Variants in RAMP1 observed in about 807,000 individuals in gnomAD.
RAMP1 encodes the protein receptor activity modifying protein 1.
Under a neutral mutation model 8.2 loss-of-function variants are expected in RAMP1, and 7 were observed. The ratio of observed to expected loss-of-function variants is 0.85; its 90% CI spans 0.49 to 1.60. The LOEUF is 1.60. Among genes scored for constraint, RAMP1 ranks in the 40% most tolerant of loss-of-function variants. The probability of loss-of-function intolerance (pLI) is 0.00; values close to 1 mark genes in which losing one functional copy is unlikely to be tolerated. For synonymous variants in RAMP1, 92 were observed against 84.7 expected (o/e 1.09, Z -0.47); for missense variants, 192 against 202.4 (o/e 0.95, Z 0.31).
chr2:237,898,992 T>TAAGCC (rs1160077046), intron 2 of RAMP1, among the ~76,000 whole-genome samples: 2 of 152,054 alleles, frequency 1.3e-5, no homozygotes, highest in Non-Finnish European at 2.9e-5. Flanking sequence ...AAATGCGAAA[T>TAAGCC]AAGCCTGTTG....
intron 2 of RAMP1, among the ~76,000 whole-genome samples, chr2:237,904,395 GGCAACAGAGCA>G (rs2062634372): frequency 1.3e-5 from 2 of 151,890 alleles, no homozygotes; most frequent in African/African-American, 4.8e-5. Context: ...CTCCATCCTG[GGCAACAGAGCA>G]AGACTCTGTC....
At position 237,885,861 on chromosome 2, in the gene RAMP1, G is replaced by A. The variant is rs1038882602; in HGVS notation, c.191+8499G>A. 6.6e-5 allele frequency among the ~76,000 whole-genome samples: 10 copies of A among 152,314 alleles called. No individual in the cohort carries two copies. The East Asian group carries it at 7.7e-4, about 12-fold the overall frequency. Reference sequence around the variant, plus strand: ...TCTCCAGAGCACACCCCAGGGGCACGGAAACCCGGCTGCTGACCCCTGACC... The same window carrying A: ...TCTCCAGAGCACACCCCAGGGGCACAGAAACCCGGCTGCTGACCCCTGACC... On this transcript the variant is annotated intron_variant, in intron 2 of 2. Transcript: ENST00000254661.
chr2:237,888,032 T>C (rs999544796), intron 2 of RAMP1, among the ~76,000 whole-genome samples: 6 of 152,176 alleles, frequency 3.9e-5, no homozygotes, highest in African/African-American at 1.4e-4. Flanking sequence ...TACTGTAGCA[T>C]GTACCATGAA....
chr2:237,906,044 C>T lies in RAMP1; in HGVS notation c.192-5484C>T, dbSNP rs555604386. 1.8e-4 allele frequency among the ~76,000 whole-genome samples: 27 copies of T among 150,068 alleles called. No homozygotes were observed. The South Asian group carries it at 5.8e-3, about 32-fold the overall frequency. On this transcript the variant is annotated intron_variant, in intron 2 of 2. Transcript: ENST00000254661. The stretch of plus-strand genomic sequence containing the variant: ...AAAAAAAAAAAAGGCAGCATTCTCA[C>T]TGTTTAGCCCTGTAGTTGAGAAGGC...
intron 2 of RAMP1, among the ~76,000 whole-genome samples, chr2:237,898,149 T>G (rs2062561663): frequency 6.6e-6 from 1 of 152,234 alleles, no homozygotes; most frequent in Non-Finnish European, 1.5e-5. Context: ...CCCCTTATGC[T>G]GTTGGGAAAA....
At chr2:237,864,153 C>A (rs1040468385) in intron 1 of RAMP1, among the ~76,000 whole-genome samples, 1 of 123,780 alleles carries the variant, frequency 8.1e-6, no homozygotes, top group Non-Finnish European at 1.6e-5. Flanking sequence ...TGACCTGGCC[C>A]GTGGCCTGGG....
chr2:237,890,661 C>T (rs2062479010), intron 2 of RAMP1, among the ~76,000 whole-genome samples: 1 of 152,202 alleles, frequency 6.6e-6, no homozygotes, highest in African/African-American at 2.4e-5. Flanking sequence ...TAACGGTTAT[C>T]TTCATCTGTG....
chr2:237,873,801 A>G (rs1559938407), intron 1 of RAMP1, among the ~76,000 whole-genome samples: 1 of 152,232 alleles, frequency 6.6e-6, no homozygotes, highest in Non-Finnish European at 1.5e-5. Flanking sequence ...CTCTCTCTGC[A>G]AGGAAAGAAA....
intron 2 of RAMP1, among the ~76,000 whole-genome samples, chr2:237,903,700 T>C (rs996539728): frequency 1.3e-5 from 2 of 151,904 alleles, no homozygotes; most frequent in African/African-American, 4.8e-5. Flanking sequence ...ATGTTTGTTG[T>C]TGTTGTTTCT....
At chr2:237,907,056 G>A (rs532322410) in intron 2 of RAMP1, among the ~76,000 whole-genome samples, 15 of 152,138 alleles carry the variant, frequency 9.9e-5, no homozygotes, top group South Asian at 2.1e-4. Context: ...TTTTTTCTAG[G>A]TATAGAATTC....
intron 1 of RAMP1, among the ~76,000 whole-genome samples, chr2:237,872,573 G>C (rs1295966402): frequency 6.6e-6 from 1 of 152,226 alleles, no homozygotes; most frequent in East Asian, 1.9e-4. Flanking sequence ...GTCTCCACAA[G>C]AGGTCTCTGA....
intron 2 of RAMP1, 101 bp from the exon 3 acceptor site, chr2:237,911,427 T>A: frequency 4.0e-6 from 6 of 1,493,020 alleles, no homozygotes; most frequent in Non-Finnish European, 4.6e-6. Context: ...GAGCCAAGCT[T>A]CAGGGCTGCA....
At chr2:237,908,102 A>G (rs1477921680) in intron 2 of RAMP1, among the ~76,000 whole-genome samples, 1 of 152,194 alleles carries the variant, frequency 6.6e-6, no homozygotes, top group African/African-American at 2.4e-5. Flanking sequence ...CAGGGTTGGG[A>G]CTAGGGCACT....
chr2:237,902,716 G>A (rs1047544782), intron 2 of RAMP1, among the ~76,000 whole-genome samples: 2 of 152,224 alleles, frequency 1.3e-5, no homozygotes, highest in African/African-American at 2.4e-5. Context: ...GCACATCAGA[G>A]CCCTCTGGTG....
At chr2:237,873,039 A>T (rs2062262612) in intron 1 of RAMP1, among the ~76,000 whole-genome samples, 1 of 152,184 alleles carries the variant, frequency 6.6e-6, no homozygotes, top group Non-Finnish European at 1.5e-5. Flanking sequence ...AAATAAAATA[A>T]ACAGGCTAAT....
In RAMP1 at chr2:237,877,164, G is replaced by GGT; in HGVS notation, c.53-58_53-57dup. Reference sequence around the variant, plus strand: ...GGGCTGCAGGGGCGCGCGGGCTGGCGGTGATACCCCTAGGCCTCTGCTGCC... The same window carrying GGT: ...GGGCTGCAGGGGCGCGCGGGCTGGCGGTGTGATACCCCTAGGCCTCTGCTGCC... On this transcript the variant is annotated intron_variant, in intron 1 of 2. Coordinates refer to ENST00000254661, the MANE Select transcript of RAMP1 (RefSeq NM_005855.4). The surrounding 1 kb of genome is among the most constrained non-coding windows in gnomAD (Gnocchi z 4.4). 1.2e-6 allele frequency: 2 copies of GGT among 1,608,692 alleles called. No individual in the cohort carries two copies. The highest frequency in any genetic ancestry group is 1.1e-5 in the South Asian group (1 of 90,920).
chr2:237,864,569 G>A (rs1052884210), intron 1 of RAMP1, among the ~76,000 whole-genome samples: 6 of 152,266 alleles, frequency 3.9e-5, no homozygotes, highest in East Asian at 3.9e-4. Flanking sequence ...CCTCACACAC[G>A]GGACACACAG....
chr2:237,864,962 A>T (rs1234936893), intron 1 of RAMP1, among the ~76,000 whole-genome samples: 3 of 152,180 alleles, frequency 2.0e-5, no homozygotes, highest in Non-Finnish European at 2.9e-5. Context: ...CTGGTGCTGG[A>T]GGAAAGACCC....
At chr2:237,864,789 C>T (rs1032865806) in intron 1 of RAMP1, among the ~76,000 whole-genome samples, 1 of 152,242 alleles carries the variant, frequency 6.6e-6, no homozygotes, top group Non-Finnish European at 1.5e-5. Context: ...TACTTAAATG[C>T]AGCAGGAAAT....
Sources: gnomAD v4.1 joint callset for allele counts (sites outside exome capture counted in the v4.1 genomes callset) on GRCh38, gnomAD v4.1.1 for gene constraint, Gnocchi (gnomAD v3.1) non-coding constraint, MANE v1.5 for transcripts, NCBI Gene and HGNC (gene_info 2026-07-23, HGNC 2026-07-21) for gene names.